The following MACROD2 variants were observed in gnomAD, a reference collection of about 807,000 sequenced individuals.
MACROD2 encodes the protein mono-ADP ribosylhydrolase 2.
Under a neutral mutation model 70.4 loss-of-function variants are expected in MACROD2, and 36 were observed. The observed-to-expected ratio is 0.51, with a 90% confidence interval of 0.39 to 0.68. MACROD2 has a LOEUF of 0.68. MACROD2 is among the 30% of genes least tolerant of loss of function. The pLI is 0.00. For synonymous variants in MACROD2, 172 were observed against 178.8 expected (o/e 0.96, Z 0.30); for missense variants, 496 against 538.4 (o/e 0.92, Z 0.78).
intron 4 of MACROD2, among the ~76,000 whole-genome samples, chr20:14,662,485 A>G (rs1391256785): frequency 6.6e-6 from 1 of 152,198 alleles, no homozygotes; most frequent in African/African-American, 2.4e-5. Context: ...ACACTTGACA[A>G]ATGTGAGCTA....
At chr20:15,705,826 A>G (rs1476202705) in intron 8 of MACROD2, among the ~76,000 whole-genome samples, 1 of 152,172 alleles carries the variant, frequency 6.6e-6, no homozygotes, top group East Asian at 1.9e-4. Flanking sequence ...ATAAATAAGT[A>G]TAGATATGCT....
intron 8 of MACROD2, among the ~76,000 whole-genome samples, chr20:15,735,518 G>A (rs2146956797): frequency 6.6e-6 from 1 of 152,218 alleles, no homozygotes; most frequent in South Asian, 2.1e-4. Context: ...AATCAGAAGG[G>A]TATTGTTAAC....
intron 8 of MACROD2, among the ~76,000 whole-genome samples, chr20:15,605,204 C>G (rs781629502): frequency 6.6e-5 from 10 of 152,120 alleles, no homozygotes; most frequent in Non-Finnish European, 1.5e-4. Context: ...TAGTCCATGA[C>G]TTGATCTCTT....
chr20:15,343,724 C>A (rs2078134230), intron 6 of MACROD2, among the ~76,000 whole-genome samples: 1 of 152,188 alleles, frequency 6.6e-6, no homozygotes, highest in African/African-American at 2.4e-5. Flanking sequence ...ATCAAACATT[C>A]ATCCTTCCTA....
rs1343780505 is a variant in MACROD2 at position 14,418,306 on chromosome 20, G to A, written c.272-75173G>A. Among the ~76,000 whole-genome samples the A allele has an allele frequency of 3.3e-5, 5 of 152,240 alleles. No homozygotes were observed. The East Asian group carries it at 7.7e-4, about 23-fold the overall frequency. On this transcript the variant is annotated intron_variant, in intron 3 of 17. Coordinates refer to ENST00000684519, the MANE Select transcript of MACROD2 (RefSeq NM_001351661.2). ...CATTATTTCAAAACAAACTAATGAT[G>A]AAACTAAGATTTTTAACATAAATCT...
At chr20:14,294,987 C>T (rs1601444609) in intron 3 of MACROD2, among the ~76,000 whole-genome samples, 1 of 151,672 alleles carries the variant, frequency 6.6e-6, no homozygotes, top group Non-Finnish European at 1.5e-5. Context: ...TCAGTGGCTT[C>T]CCACTGACTC....
intron 6 of MACROD2, among the ~76,000 whole-genome samples, chr20:15,366,244 A>C (rs2045407450): frequency 6.6e-6 from 1 of 152,148 alleles, no homozygotes; most frequent in African/African-American, 2.4e-5. Context: ...GGAAGTTTCC[A>C]ATCTCCTTTT....
rs912760702 is a variant in MACROD2 at position 14,042,300 on chromosome 20, G to A, written c.163+39896G>A. 2.6e-5 allele frequency among the ~76,000 whole-genome samples: 4 copies of A among 152,104 alleles called. No homozygotes were observed. In the East Asian group the frequency reaches 5.8e-4, roughly 22 times the overall value. ...GTTAAAGGTCACATGGATTTTAGGA[G>A]AGAGATCTTTGGGCCTTCAATCATT... On this transcript the variant is annotated intron_variant, in intron 2 of 17. Coordinates refer to ENST00000684519, the MANE Select transcript of MACROD2 (RefSeq NM_001351661.2).
At chr20:14,838,779 A>G (rs1401148657) in intron 5 of MACROD2, among the ~76,000 whole-genome samples, 2 of 152,074 alleles carry the variant, frequency 1.3e-5, no homozygotes, top group Middle Eastern at 3.2e-3. Context: ...AGAAGTGAGA[A>G]GGTTTCTATT....
At chr20:15,011,932 A>G (rs1295388803) in intron 5 of MACROD2, among the ~76,000 whole-genome samples, 1 of 152,192 alleles carries the variant, frequency 6.6e-6, no homozygotes, top group Non-Finnish European at 1.5e-5. Flanking sequence ...TGACCAGAGG[A>G]CAACAGCATC....
At chr20:15,207,065 T>C (rs1001242084) in intron 5 of MACROD2, among the ~76,000 whole-genome samples, 2 of 152,142 alleles carry the variant, frequency 1.3e-5, no homozygotes, top group African/African-American at 4.8e-5. Context: ...CATGTATCAA[T>C]GTTCATTATT....
chr20:14,932,175 A>T (rs2074302286), intron 5 of MACROD2, among the ~76,000 whole-genome samples: 1 of 152,030 alleles, frequency 6.6e-6, no homozygotes, highest in Non-Finnish European at 1.5e-5. Context: ...AACCTTCCTC[A>T]CTTGCTTGAG....
At chr20:15,806,216 T>A (rs1343808621) in intron 8 of MACROD2, among the ~76,000 whole-genome samples, 1 of 152,234 alleles carries the variant, frequency 6.6e-6, no homozygotes, top group Non-Finnish European at 1.5e-5. Context: ...GACCTTCTAA[T>A]GAGTGAGCAG....
At chr20:14,139,780 A>T (rs1436630725) in intron 3 of MACROD2, among the ~76,000 whole-genome samples, 1 of 152,208 alleles carries the variant, frequency 6.6e-6, no homozygotes, top group Non-Finnish European at 1.5e-5. Context: ...CAATCCAAAA[A>T]TCCAAAATCT....
At chr20:15,418,878 C>A (rs1236212940) in intron 6 of MACROD2, among the ~76,000 whole-genome samples, 1 of 152,132 alleles carries the variant, frequency 6.6e-6, no homozygotes, top group Non-Finnish European at 1.5e-5. Context: ...GATTTACCTG[C>A]TTTTCCTCCT....
Position 14,849,908 on chromosome 20 carries a change from T to G in MACROD2, c.418+164949T>G, listed in dbSNP as rs754252294. 1.4e-5 allele frequency: 7 copies of G among 493,500 alleles called. No individual in the cohort carries two copies. The Admixed American group carries it at 1.5e-4, about 11-fold the overall frequency. The allele number at this position is 493,500 out of a possible 1,614,324, so 30.6% of individuals were successfully genotyped here. On this transcript the variant is annotated intron_variant, in intron 5 of 17. Coordinates refer to ENST00000684519, the MANE Select transcript of MACROD2 (RefSeq NM_001351661.2). The stretch of plus-strand genomic sequence containing the variant: ...GGCATTTGTGTTTCATCGTAGCAAA[T>G]TTGGATGCAAGAAAGCTATTGAAAC...
In MACROD2 at chr20:15,869,238, T is replaced by TATATATATAGAGAGAGAG; in HGVS notation, c.727+6413_727+6414insTATATATAGAGAGAGAGA. Reference sequence around the variant, plus strand: ...ATATATATATATATATATATATATATAGAGAGAGAGAGAGAGAGAGAGAGA... The same window carrying TATATATATAGAGAGAGAG: ...ATATATATATATATATATATATATATATATATATAGAGAGAGAGAGAGAGAGAGAGAGAGAGAGAGAGA... On this transcript the variant is annotated intron_variant, in intron 9 of 17. Coordinates refer to ENST00000684519, the MANE Select transcript of MACROD2 (RefSeq NM_001351661.2). Among the ~76,000 whole-genome samples the TATATATATAGAGAGAGAG allele has an allele frequency of 9.0e-3, 253 of 28,258 alleles. 10 individuals are homozygous for TATATATATAGAGAGAGAG. The highest frequency in any genetic ancestry group is 0.016 in the South Asian group (3 of 184). 18.5% of individuals were successfully genotyped at this position (28,258 alleles called of 152,430 possible).
At chr20:15,581,555 A>T (rs2048524102) in intron 8 of MACROD2, among the ~76,000 whole-genome samples, 1 of 152,226 alleles carries the variant, frequency 6.6e-6, no homozygotes, top group Non-Finnish European at 1.5e-5. Flanking sequence ...GTGTGAAAAG[A>T]GGTCTCTAAG....
intron 6 of MACROD2, among the ~76,000 whole-genome samples, chr20:15,256,916 G>C (rs1481896438): frequency 6.6e-6 from 1 of 151,766 alleles, no homozygotes; most frequent in East Asian, 1.9e-4. Context: ...CCCAGAAAAA[G>C]AGCCTATTTT....
Sources: gnomAD v4.1 joint callset for allele counts (sites outside exome capture counted in the v4.1 genomes callset) on GRCh38, gnomAD v4.1.1 for gene constraint, MANE v1.5 for transcripts, NCBI Gene and HGNC (gene_info 2026-07-23, HGNC 2026-07-21) for gene names.